The following LRRC7 variants were observed in gnomAD, a reference collection of about 807,000 sequenced individuals.
The protein encoded by LRRC7 is leucine rich repeat containing 7.
A neutral mutation model predicts 175.7 loss-of-function variants in LRRC7; 23 were observed. The ratio of observed to expected loss-of-function variants is 0.13; its 90% CI spans 0.09 to 0.19. The LOEUF (loss-of-function observed/expected upper bound fraction) is 0.19. LRRC7 is among the 10% of genes least tolerant of loss of function. The pLI is 1.00. For missense variants in LRRC7, 1,354 were observed against 1,904.7 expected (o/e 0.71, Z 5.38); for synonymous variants, 685 against 680.9 (o/e 1.01, Z -0.09).
At position 69,858,549 on chromosome 1, in the gene LRRC7, G is replaced by A. The variant is rs189744006; in HGVS notation, c.647+20266G>A. 5.9e-5 allele frequency among the ~76,000 whole-genome samples: 9 copies of A among 151,610 alleles called. No homozygotes were observed. The East Asian group carries it at 7.8e-4, about 13-fold the overall frequency. ...CTTTCTCTTTTTCCTTTCTTGTTTC[G>A]CTTTTTCCTTTCATCCTTTGAGTTG... On this transcript the variant is annotated intron_variant, in intron 7 of 26. Coordinates refer to ENST00000651989, the MANE Select transcript of LRRC7 (RefSeq NM_001370785.2).
rs750419170 is a variant in LRRC7, at chr1:70,131,083, A to G, written c.*9196A>G. ...TATCAAGCCACTGTAAAAGCTATATAATTGATATGATTAACTATTTAGATA... is the reference window on the plus strand; with the variant it reads ...TATCAAGCCACTGTAAAAGCTATATGATTGATATGATTAACTATTTAGATA... On this transcript the variant is annotated 3_prime_UTR_variant, in exon 27 of 27. Coordinates refer to ENST00000651989, the MANE Select transcript of LRRC7 (RefSeq NM_001370785.2). 1.8e-4 allele frequency among the ~76,000 whole-genome samples: 27 copies of G among 152,308 alleles called. No individual in the cohort carries two copies. Among genetic ancestry groups the G allele is most frequent in the Admixed American group, 3.9e-4 (6 of 15,306 alleles).
intron 24 of LRRC7, among the ~76,000 whole-genome samples, chr1:70,082,900 C>T (rs1663329179): frequency 6.8e-6 from 1 of 147,882 alleles, no homozygotes; most frequent in Non-Finnish European, 1.5e-5. Flanking sequence ...ATTCTCCTGC[C>T]TCAGCCTCCC....
At chr1:69,910,941 T>G (rs1047786850) in intron 7 of LRRC7, among the ~76,000 whole-genome samples, 8 of 152,216 alleles carry the variant, frequency 5.3e-5, no homozygotes, top group African/African-American at 1.9e-4. Flanking sequence ...CCTTGCAGTT[T>G]GATCTCAGAC....
intron 1 of LRRC7, among the ~76,000 whole-genome samples, chr1:69,639,662 G>A (rs942990577): frequency 2.0e-5 from 3 of 151,718 alleles, no homozygotes; most frequent in Non-Finnish European, 3.0e-5. Flanking sequence ...AAATATCCAG[G>A]AAACCAAGTC....
intron 2 of LRRC7, among the ~76,000 whole-genome samples, chr1:69,718,325 A>G (rs527971613): frequency 1.3e-5 from 2 of 151,736 alleles, no homozygotes; most frequent in South Asian, 2.1e-4. Context: ...GAAGAACTTG[A>G]TTTGAAAGGA....
chr1:69,825,412 A>G (rs543135532), intron 4 of LRRC7, among the ~76,000 whole-genome samples: 22 of 152,276 alleles, frequency 1.4e-4, no homozygotes, highest in African/African-American at 3.6e-4. Context: ...TAGCAGCACT[A>G]TAACTTAATA....
chr1:70,126,896 T>C lies in LRRC7; in HGVS notation c.*5009T>C, dbSNP rs754528893. Among the ~76,000 whole-genome samples, 8 of 152,236 alleles carry C rather than the reference T, an allele frequency of 5.3e-5. No homozygotes were observed. The highest frequency in any genetic ancestry group is 8.8e-5 in the Non-Finnish European group (6 of 68,038). On this transcript the variant is annotated 3_prime_UTR_variant, in exon 27 of 27. Coordinates refer to ENST00000651989, the MANE Select transcript of LRRC7 (RefSeq NM_001370785.2). ...GTCTTCATTGCTGCAGTTGCTGCTA[T>C]AGATCCGTCCCTCCAACTCCCCATG...
chr1:69,873,828 CATT>C (rs1269048986), intron 7 of LRRC7: 1 of 155,384 alleles, frequency 6.4e-6, no homozygotes, highest in African/African-American at 2.4e-5. Context: ...CTCAGAAAAA[CATT>C]AATACCCATA....
intron 1 of LRRC7, among the ~76,000 whole-genome samples, chr1:69,613,174 A>G (rs1219160728): frequency 6.6e-6 from 1 of 152,098 alleles, no homozygotes; most frequent in South Asian, 2.1e-4. Flanking sequence ...TGGGAAGTCC[A>G]AGGTCAAGGT....
chr1:69,712,620 C>T (rs1426710989), intron 2 of LRRC7, among the ~76,000 whole-genome samples: 1 of 151,802 alleles, frequency 6.6e-6, no homozygotes, highest in African/African-American at 2.4e-5. Flanking sequence ...ACAAACAAAC[C>T]AACAACAAAA....
Position 69,576,079 on chromosome 1 carries a change from T to TC in LRRC7, c.2+7438_2+7439insC, listed in dbSNP as rs1382011654. ...AGATGTTGTATCTACTTTTTTTTTT[T>TC]TAAGTAGCCAAGAGTGGTGGTGCTC... On this transcript the variant is annotated intron_variant, in intron 1 of 26. Transcript: ENST00000651989. Among the ~76,000 whole-genome samples, 9 of 151,014 alleles carry TC rather than the reference T, an allele frequency of 6.0e-5. No individual in the cohort carries two copies. The East Asian group carries it at 1.4e-3, about 23-fold the overall frequency.
chr1:69,576,633 A>G, intron 1 of LRRC7, among the ~76,000 whole-genome samples: 1 of 152,222 alleles, frequency 6.6e-6, no homozygotes, highest in East Asian at 1.9e-4. Flanking sequence ...ATAACTCCTT[A>G]TTAAGGAAAT....
intron 2 of LRRC7, among the ~76,000 whole-genome samples, chr1:69,679,390 G>T (rs1355768789): frequency 6.6e-6 from 1 of 152,010 alleles, no homozygotes; most frequent in Non-Finnish European, 1.5e-5. Flanking sequence ...GAAGTATACT[G>T]CTCTGGGTAA....
intron 2 of LRRC7, among the ~76,000 whole-genome samples, chr1:69,755,541 T>G (rs1670322168): frequency 6.6e-6 from 1 of 151,314 alleles, no homozygotes; most frequent in Non-Finnish European, 1.5e-5. Context: ...ACATTGCATA[T>G]ATATGTGTGT....
intron 6 of LRRC7, among the ~76,000 whole-genome samples, chr1:69,835,841 G>T (rs949480860): frequency 2.0e-5 from 3 of 151,790 alleles, no homozygotes; most frequent in African/African-American, 4.8e-5. Context: ...TTATCTTAGG[G>T]AAGTATTTTT....
chr1:69,932,067 A>G (rs1373130242), intron 8 of LRRC7, among the ~76,000 whole-genome samples: 1 of 152,128 alleles, frequency 6.6e-6, no homozygotes, highest in Non-Finnish European at 1.5e-5. Context: ...CCATATTACT[A>G]CTTCACTGCT....
Position 69,860,423 on chromosome 1 carries a change from C to T in LRRC7, c.647+22140C>T, listed in dbSNP as rs1570379290. 2.6e-5 allele frequency among the ~76,000 whole-genome samples: 4 copies of T among 152,074 alleles called. No individual in the cohort carries two copies. In the South Asian group the frequency reaches 8.3e-4, roughly 32 times the overall value. ...ACTGAGAAACGTGACCAATATTGCA[C>T]AACCCTTAAAGGTGGATTAGGGATT... On this transcript the variant is annotated intron_variant, in intron 7 of 26. Transcript: ENST00000651989.
At chr1:69,639,724 T>A (rs977648106) in intron 1 of LRRC7, among the ~76,000 whole-genome samples, 1 of 151,790 alleles carries the variant, frequency 6.6e-6, no homozygotes. Flanking sequence ...ACAAACTCAA[T>A]GGCTAGATTG....
intron 7 of LRRC7, among the ~76,000 whole-genome samples, chr1:69,907,811 G>C (rs565824603): frequency 3.9e-5 from 6 of 152,086 alleles, no homozygotes; most frequent in African/African-American, 1.2e-4. Flanking sequence ...TTTTTCTATT[G>C]ATTGGAATAG....
Sources: gnomAD v4.1 joint callset for allele counts (sites outside exome capture counted in the v4.1 genomes callset) on GRCh38, gnomAD v4.1.1 for gene constraint, MANE v1.5 for transcripts, NCBI Gene and HGNC (gene_info 2026-07-23, HGNC 2026-07-21) for gene names.